Variants in PDE1A observed in about 807,000 individuals in gnomAD.
PDE1A encodes the protein phosphodiesterase 1A, also known as dual specificity calcium/calmodulin-dependent 3',5'-cyclic nucleotide phosphodiesterase 1A.
Under a neutral mutation model 61.7 loss-of-function variants are expected in PDE1A, and 35 were observed. The observed-to-expected ratio is 0.57, with a 90% CI of 0.43 to 0.75. The LOEUF (loss-of-function observed/expected upper bound fraction) is 0.75, where lower values mean the gene tolerates loss of function less well. Among genes scored for constraint, PDE1A ranks in the 30% least tolerant of loss-of-function variants. The pLI, the probability that PDE1A is intolerant of heterozygous loss-of-function variation, is 0.00. For synonymous variants in PDE1A, 232 were observed against 213.2 expected, an observed-to-expected ratio of 1.09 and a Z score of -0.77; for missense variants, 597 against 630.6, an observed-to-expected ratio of 0.95 and a Z score of 0.57.
chr2:182,341,945 T>A (rs1415921303), intron 1 of PDE1A, among the ~76,000 whole-genome samples: 1 of 151,904 alleles, frequency 6.6e-6, no homozygotes, highest in Non-Finnish European at 1.5e-5. Flanking sequence ...AAAGTGTTAT[T>A]TATTGTAGAG....
At chr2:182,544,222 G>A in the PDE1A span, among the ~76,000 whole-genome samples, 2 of 152,186 alleles carry the variant, frequency 1.3e-5, no homozygotes, top group Non-Finnish European at 2.9e-5. Flanking sequence ...AAGACTGGGT[G>A]ATAAACAGAT....
Position 182,176,187 on chromosome 2 carries a change from G to T in PDE1A, c.1517-7897C>A, listed in dbSNP as rs1312285790. ...ATGCGGGCTCTTTTTTGGTTCCATA[G>T]GAACTTTAAAGTAGTTTTTTCCAAT... On this transcript the variant is annotated intron_variant, in intron 13 of 13. Coordinates refer to ENST00000351439, the Ensembl canonical transcript of PDE1A. Among the ~76,000 whole-genome samples the T allele has an allele frequency of 1.6e-3, 233 of 147,558 alleles. 2 individuals carry two copies. The highest frequency in any genetic ancestry group is 5.6e-3 in the African/African-American group (212 of 37,606).
At chr2:182,315,555 G>T (rs1351329761) in intron 1 of PDE1A, among the ~76,000 whole-genome samples, 1 of 152,114 alleles carries the variant, frequency 6.6e-6, no homozygotes, top group Non-Finnish European at 1.5e-5. Context: ...GTTACTTCTG[G>T]GCTCCTTGTG....
chr2:182,161,422 C>T (rs1045624954), intron 13 of PDE1A, among the ~76,000 whole-genome samples: 2 of 151,718 alleles, frequency 1.3e-5, no homozygotes, highest in African/African-American at 2.4e-5. Flanking sequence ...GCATTGAGCT[C>T]GTAAATTCTG....
the PDE1A span, among the ~76,000 whole-genome samples, chr2:182,657,875 A>G: frequency 2.0e-5 from 3 of 151,984 alleles, no homozygotes; most frequent in Non-Finnish European, 4.4e-5. Context: ...CTTCTGTATC[A>G]GATAGAGACC....
the PDE1A span, among the ~76,000 whole-genome samples, chr2:182,571,572 T>G: frequency 1.3e-5 from 2 of 152,218 alleles, no homozygotes; most frequent in East Asian, 3.9e-4. Context: ...CAAGAACTGC[T>G]TATTGCTGGA....
chr2:182,617,007 G>C, the PDE1A span, among the ~76,000 whole-genome samples: 1 of 152,174 alleles, frequency 6.6e-6, no homozygotes, highest in Non-Finnish European at 1.5e-5. Flanking sequence ...GTGTGACAAA[G>C]AATTAATCTT....
At chr2:182,305,681 T>A (rs200899728) in intron 1 of PDE1A, among the ~76,000 whole-genome samples, 3 of 150,490 alleles carry the variant, frequency 2.0e-5, no homozygotes, top group African/African-American at 7.3e-5. Flanking sequence ...TATTCTCTAA[T>A]GATAAAAGTG....
Position 182,212,954 on chromosome 2 carries a change from T to G in PDE1A, c.777-6889A>C, listed in dbSNP as rs565783707. 7.3e-3 allele frequency among the ~76,000 whole-genome samples: 1,106 copies of G among 150,774 alleles called. 11 individuals are homozygous for G. The highest frequency in any genetic ancestry group is 0.025 in the African/African-American group (1,010 of 41,066). The stretch of plus-strand genomic sequence containing the variant: ...CCTGCCTGCCTCTGTAGGCCCCACC[T>G]CTGGGGGCAGGGCACAGACAAACAA... On this transcript the variant is annotated intron_variant, in intron 7 of 13. Coordinates refer to ENST00000351439, the Ensembl canonical transcript of PDE1A.
chr2:182,491,866 T>G (rs1432466013), intron 2 of PDE1A, among the ~76,000 whole-genome samples: 1 of 152,184 alleles, frequency 6.6e-6, no homozygotes, highest in African/African-American at 2.4e-5. Context: ...TATTTCTCTA[T>G]GCACTTGCAG....
intron 13 of PDE1A, among the ~76,000 whole-genome samples, chr2:182,174,062 C>T (rs1692497750): frequency 6.6e-6 from 1 of 152,008 alleles, no homozygotes; most frequent in Non-Finnish European, 1.5e-5. Flanking sequence ...CTTACAGAGA[C>T]CCGTGAGATA....
At chr2:182,327,174 G>T (rs1489772832) in intron 1 of PDE1A, among the ~76,000 whole-genome samples, 2 of 152,176 alleles carry the variant, frequency 1.3e-5, no homozygotes, top group Non-Finnish European at 2.9e-5. Flanking sequence ...AGAGGCAAAT[G>T]AGTAAATATG....
At chr2:182,478,366 C>G (rs996167809) in intron 2 of PDE1A, among the ~76,000 whole-genome samples, 5 of 151,532 alleles carry the variant, frequency 3.3e-5, no homozygotes, top group African/African-American at 1.2e-4. Context: ...AAATAGTGCT[C>G]TATCATTCTC....
At chr2:182,362,098 G>C (rs1217064532) in intron 1 of PDE1A, among the ~76,000 whole-genome samples, 1 of 152,024 alleles carries the variant, frequency 6.6e-6, no homozygotes, top group Non-Finnish European at 1.5e-5. Context: ...TGAGATTAGT[G>C]GCAGAATTTG....
At chr2:182,214,824 T>C (rs1688016631) in intron 7 of PDE1A, among the ~76,000 whole-genome samples, 1 of 100,120 alleles carries the variant, frequency 1.0e-5, no homozygotes, top group African/African-American at 4.1e-5. Flanking sequence ...TGGGAGACTT[T>C]AACACCCCAC....
intron 1 of PDE1A, among the ~76,000 whole-genome samples, chr2:182,321,906 A>T (rs745604618): frequency 6.6e-6 from 1 of 152,146 alleles, no homozygotes; most frequent in Non-Finnish European, 1.5e-5. Flanking sequence ...CCACCAGGCT[A>T]GATATTATTT....
chr2:182,206,032 A>T lies in PDE1A; in HGVS notation c.810T>A (p.Ser270=), dbSNP rs1253659788. ...CACTCACGTGGTGATTCTCAAGGAC[A>T]GAGCGATCATTATACAAAATGGCAA... Residue 270 remains serine (S), a synonymous_variant, in exon 8 of 14, where the codon TCT becomes TCA. Coordinates refer to ENST00000351439, the Ensembl canonical transcript of PDE1A. 12 of 1,611,282 alleles carry T rather than the reference A, an allele frequency of 7.4e-6. No individual in the cohort carries two copies. In the Admixed American group the frequency reaches 8.4e-5, roughly 11 times the overall value.
the PDE1A span, among the ~76,000 whole-genome samples, chr2:182,705,630 C>CA: frequency 6.6e-6 from 1 of 152,128 alleles, no homozygotes; most frequent in Admixed American, 6.5e-5. Flanking sequence ...TCTTCTGCCT[C>CA]AGCTTCCCAA....
At chr2:182,632,427 T>C in the PDE1A span, among the ~76,000 whole-genome samples, 1 of 152,158 alleles carries the variant, frequency 6.6e-6, no homozygotes, top group South Asian at 2.1e-4. Flanking sequence ...CATTTGATAA[T>C]GAATTCAAAG....
Sources: gnomAD v4.1 joint callset for allele counts (sites outside exome capture counted in the v4.1 genomes callset) on GRCh38, gnomAD v4.1.1 for gene constraint, MANE v1.5 for transcripts, NCBI Gene and HGNC (gene_info 2026-07-23, HGNC 2026-07-21) for gene names.